The following ZNF385B variants were observed in gnomAD, a reference collection of about 807,000 sequenced individuals.
ZNF385B encodes zinc finger protein 385B.
A neutral mutation model predicts 39.2 loss-of-function variants in ZNF385B; 23 were observed. The ratio of observed to expected loss-of-function variants is 0.59; its 90% CI spans 0.42 to 0.83. The LOEUF is 0.83. ZNF385B is among the 40% of genes least tolerant of loss of function. The pLI is 0.00. For missense variants in ZNF385B, 552 were observed against 598.9 expected (o/e 0.92, Z 0.82); for synonymous variants, 205 against 222.6 (o/e 0.92, Z 0.70).
intron 3 of ZNF385B, among the ~76,000 whole-genome samples, chr2:179,591,643 G>T (rs1477870422): frequency 6.6e-6 from 1 of 152,112 alleles, no homozygotes; most frequent in East Asian, 1.9e-4. Flanking sequence ...GAGGCTTCAG[G>T]GTAGAGAGTA....
At chr2:179,584,095 A>T in intron 3 of ZNF385B, 1 of 490,846 alleles carries the variant, frequency 2.0e-6, no homozygotes. Context: ...ATAAGTAGGT[A>T]ATTACATTAG....
intron 5 of ZNF385B, among the ~76,000 whole-genome samples, chr2:179,485,507 G>C (rs1213075641): frequency 6.6e-6 from 1 of 152,076 alleles, no homozygotes; most frequent in African/African-American, 2.4e-5. Context: ...TGGTGATGGT[G>C]AGCACCACTT....
intron 3 of ZNF385B, among the ~76,000 whole-genome samples, chr2:179,715,789 T>A (rs1431265846): frequency 4.6e-5 from 7 of 152,124 alleles, no homozygotes; most frequent in African/African-American, 1.7e-4. Flanking sequence ...AATATTAAGT[T>A]TTACTTTATG....
chr2:179,677,365 C>G (rs1696978314), intron 3 of ZNF385B, among the ~76,000 whole-genome samples: 1 of 152,184 alleles, frequency 6.6e-6, no homozygotes, highest in South Asian at 2.1e-4. Context: ...AAAATATGTT[C>G]TCTGCAAAGT....
chr2:179,501,335 A>T (rs530319649), intron 5 of ZNF385B, among the ~76,000 whole-genome samples: 1 of 152,316 alleles, frequency 6.6e-6, no homozygotes, highest in East Asian at 1.9e-4. Context: ...TTTGGGAGCA[A>T]TGTAAGAGTC....
intron 4 of ZNF385B, among the ~76,000 whole-genome samples, chr2:179,524,316 G>A (rs1228948290): frequency 6.6e-6 from 1 of 151,944 alleles, no homozygotes; most frequent in East Asian, 1.9e-4. Context: ...ACTTTGGGAA[G>A]CTGAGGCCGG....
intron 3 of ZNF385B, among the ~76,000 whole-genome samples, chr2:179,601,625 T>A (rs1395463120): frequency 6.6e-6 from 1 of 152,184 alleles, no homozygotes; most frequent in African/African-American, 2.4e-5. Context: ...CACTTTCAAA[T>A]TACAGTTACC....
chr2:179,807,706 T>C (rs1706449008), intron 1 of ZNF385B, among the ~76,000 whole-genome samples: 2 of 151,942 alleles, frequency 1.3e-5, no homozygotes, highest in South Asian at 2.1e-4. Flanking sequence ...CCATCCTGGC[T>C]AACACGGTGA....
At chr2:179,635,048 A>T (rs1028949520) in intron 3 of ZNF385B, among the ~76,000 whole-genome samples, 5 of 151,340 alleles carry the variant, frequency 3.3e-5, no homozygotes, top group Non-Finnish European at 5.9e-5. Flanking sequence ...AGGCTGAGGC[A>T]GGAGAATGGC....
At chr2:179,535,698 C>G (rs1193137233) in intron 4 of ZNF385B, among the ~76,000 whole-genome samples, 1 of 152,130 alleles carries the variant, frequency 6.6e-6, no homozygotes, top group African/African-American at 2.4e-5. Context: ...TTTCAAGTAT[C>G]AGAACATAAA....
At chr2:179,544,065 A>G (rs2060083199) in intron 4 of ZNF385B, among the ~76,000 whole-genome samples, 1 of 152,198 alleles carries the variant, frequency 6.6e-6, no homozygotes, top group Non-Finnish European at 1.5e-5. Context: ...CATTCACCTG[A>G]ACTGTGAACA....
chr2:179,731,327 C>T (rs1701374388), intron 3 of ZNF385B, among the ~76,000 whole-genome samples: 1 of 152,218 alleles, frequency 6.6e-6, no homozygotes, highest in African/African-American at 2.4e-5. Flanking sequence ...GGTAAGAGAA[C>T]TTTCCCACAC....
intron 3 of ZNF385B, among the ~76,000 whole-genome samples, chr2:179,672,650 GC>G (rs1475330647): frequency 3.9e-5 from 6 of 152,076 alleles, no homozygotes; most frequent in Non-Finnish European, 8.8e-5. Context: ...TGGAATTAGT[GC>G]CCTTATAAAA....
chr2:179,852,903 G>C (rs1204893921), intron 1 of ZNF385B, among the ~76,000 whole-genome samples: 2 of 152,136 alleles, frequency 1.3e-5, no homozygotes, highest in Non-Finnish European at 2.9e-5. Flanking sequence ...TTTAGAACCA[G>C]CTTGATGACC....
At chr2:179,641,833 C>T (rs16866876) in intron 3 of ZNF385B, among the ~76,000 whole-genome samples, 11,274 of 152,130 alleles carry the variant, frequency 0.074, 595 homozygotes, top group East Asian at 0.23. Context: ...GTAGAATGGA[C>T]AATGATCAGA....
chr2:179,493,699 A>G (rs1375319253), intron 5 of ZNF385B, among the ~76,000 whole-genome samples: 53 of 147,518 alleles, frequency 3.6e-4, no homozygotes, highest in African/African-American at 1.2e-3. Flanking sequence ...ATATATACAT[A>G]TATGTATACA....
chr2:179,837,794 TATAAA>T (rs1708330362), intron 1 of ZNF385B, among the ~76,000 whole-genome samples: 2 of 152,228 alleles, frequency 1.3e-5, no homozygotes, highest in African/African-American at 4.8e-5. Context: ...TCTTTATAGT[TATAAA>T]ATAAGGCGTG....
In ZNF385B at chr2:179,483,266, A is replaced by G; in HGVS notation, c.715+6T>C. The G allele has an allele frequency of 1.2e-6, 2 of 1,613,804 alleles. No individual in the cohort carries two copies. Among genetic ancestry groups the G allele is most frequent in the South Asian group, 1.1e-5 (1 of 91,074 alleles). The stretch of plus-strand genomic sequence containing the variant: ...AAGAATGTAAAGAACAAAAAGTGTC[A>G]TTGACCTGATTTGTCAGAGTTGTTG... On this transcript the variant is annotated splice_donor_region_variant and intron_variant, in intron 6 of 9. Coordinates refer to ENST00000410066, the MANE Select transcript of ZNF385B (RefSeq NM_152520.6).
Position 179,541,585 on chromosome 2 carries a change from T to G in ZNF385B, c.441+3242A>C, listed in dbSNP as rs139420292. On this transcript the variant is annotated intron_variant, in intron 4 of 9. Transcript: ENST00000410066. ...TTCTTATATTTGCTAATATTAACCT[T>G]GGTTAAAAATAAAACGATAAGGTAG... Among the ~76,000 whole-genome samples, 385 of 152,276 alleles carry G rather than the reference T, an allele frequency of 2.5e-3. 1 individual carries two copies. Among genetic ancestry groups the G allele is most frequent in the African/African-American group, 8.7e-3 (362 of 41,564 alleles).
Sources: allele counts gnomAD v4.1 joint callset (sites outside exome capture counted in the v4.1 genomes callset), GRCh38; gene constraint gnomAD v4.1.1; transcripts MANE v1.5; gene names NCBI Gene and HGNC (gene_info 2026-07-23, HGNC 2026-07-21).